Variants in ZC3H12B observed in about 807,000 individuals in gnomAD.
The protein encoded by ZC3H12B is zinc finger CCCH-type containing 12B.
In ZC3H12B, 7 loss-of-function variants were observed where a neutral mutation model predicts 43.9. The observed-to-expected ratio is 0.16, with a 90% confidence interval of 0.09 to 0.30. ZC3H12B has a LOEUF of 0.30. Among genes scored for constraint, ZC3H12B ranks in the 10% least tolerant of loss-of-function variants. ZC3H12B has a pLI of 1.00. For synonymous variants in ZC3H12B, 222 were observed against 241.7 expected (o/e 0.92, Z 0.76); for missense variants, 475 against 670.2 (o/e 0.71, Z 3.22).
the ZC3H12B span, among the ~76,000 whole-genome samples, chrX:65,138,926 A>C: frequency 1.8e-5 from 2 of 111,885 alleles, no homozygotes; most frequent in Non-Finnish European, 3.8e-5. Flanking sequence ...GCCCATTTTT[A>C]AATTGGATTG....
At chrX:65,167,045 A>G in the ZC3H12B span, among the ~76,000 whole-genome samples, 1 of 111,473 alleles carries the variant, frequency 9.0e-6, no homozygotes, top group East Asian at 2.8e-4. Context: ...CCTTTATTTT[A>G]ATTAGATTGC....
chrX:65,370,284 G>T (rs1212027528), intron 2 of ZC3H12B, among the ~76,000 whole-genome samples: 1 of 111,126 alleles, frequency 9.0e-6, no homozygotes, highest in African/African-American at 3.3e-5. Flanking sequence ...ATAGTGGAAA[G>T]ATCCCTTCAT....
chrX:65,207,663 CT>C, the ZC3H12B span, among the ~76,000 whole-genome samples: 10 of 101,884 alleles, frequency 9.8e-5, no homozygotes, highest in South Asian at 2.9e-3. Flanking sequence ...AATGCGGGCT[CT>C]TTTTTGGTTC....
chrX:65,242,099 G>T, the ZC3H12B span, among the ~76,000 whole-genome samples: 1 of 110,806 alleles, frequency 9.0e-6, no homozygotes, highest in Non-Finnish European at 1.9e-5. Flanking sequence ...CCTTGGCTAG[G>T]GGTGGGGGTT....
the ZC3H12B span, among the ~76,000 whole-genome samples, chrX:65,137,765 A>G: frequency 1.8e-5 from 2 of 112,886 alleles, no homozygotes; most frequent in African/African-American, 3.2e-5. Flanking sequence ...AATTTTAAGT[A>G]TCTGAAACTT....
the ZC3H12B span, among the ~76,000 whole-genome samples, chrX:65,117,639 G>A: frequency 1.2e-4 from 13 of 111,693 alleles, 1 homozygote; most frequent in Admixed American, 1.2e-3. Context: ...CCTTCCCCAT[G>A]CCTATGTCCT....
At chrX:65,101,261 T>C in the ZC3H12B span, among the ~76,000 whole-genome samples, 1 of 111,866 alleles carries the variant, frequency 8.9e-6, no homozygotes, top group East Asian at 2.8e-4. Context: ...TAGAGGGAAA[T>C]TTATAGCACT....
chrX:65,415,048 G>T (rs776395810), intron 3 of ZC3H12B, among the ~76,000 whole-genome samples: 1 of 112,425 alleles, frequency 8.9e-6, no homozygotes, highest in East Asian at 2.8e-4. Context: ...CAATTAATAC[G>T]TGTAGATATA....
At chrX:65,110,209 T>A in the ZC3H12B span, among the ~76,000 whole-genome samples, 2 of 110,930 alleles carry the variant, frequency 1.8e-5, no homozygotes, top group South Asian at 7.6e-4. Context: ...TTATTGGATA[T>A]GCAGTTAAAT....
At chrX:65,342,873 C>T in the ZC3H12B span, among the ~76,000 whole-genome samples, 1 of 107,918 alleles carries the variant, frequency 9.3e-6, no homozygotes, top group Non-Finnish European at 1.9e-5. Context: ...TCCAGGAATC[C>T]AAGAGTTTGT....
the ZC3H12B span, among the ~76,000 whole-genome samples, chrX:65,123,857 C>T: frequency 9.2e-6 from 1 of 109,226 alleles, no homozygotes; most frequent in Admixed American, 9.9e-5. Flanking sequence ...TGAATCTTCA[C>T]TGAGTTCATT....
the ZC3H12B span, among the ~76,000 whole-genome samples, chrX:65,046,383 A>G: frequency 1.2e-4 from 14 of 112,094 alleles, no homozygotes; most frequent in Non-Finnish European, 2.3e-4. Flanking sequence ...GCACCACTTG[A>G]TGCCTCACCT....
chrX:65,419,673 A>G (rs368570224), intron 3 of ZC3H12B, among the ~76,000 whole-genome samples: 2 of 110,605 alleles, frequency 1.8e-5, no homozygotes, highest in Non-Finnish European at 1.9e-5. Flanking sequence ...GGCAGCCCCC[A>G]TGGCCCTAGA....
At position 65,448,028 on chromosome X, in the gene ZC3H12B, C is replaced by A. The variant is rs193212392; in HGVS notation, n.408-40618C>A. 1.3e-3 allele frequency among the ~76,000 whole-genome samples: 139 copies of A among 110,578 alleles called. 3 individuals are homozygous for A. The East Asian group carries it at 0.038, about 30-fold the overall frequency. On this transcript the variant is annotated intron_variant and non_coding_transcript_variant, in intron 3 of 5. Coordinates refer to the ZC3H12B transcript ENST00000617377. ...CAGGTGGATCACGAGGTCAGGAGAT[C>A]GAGACCATCCCGGCTAACACAGTGA...
chrX:65,472,392 T>G (rs1168129556), intron 3 of ZC3H12B, among the ~76,000 whole-genome samples: 6 of 87,098 alleles, frequency 6.9e-5, no homozygotes, highest in African/African-American at 4.8e-4. Context: ...GTTTTTTTTG[T>G]TTTTTTTGTT....
the ZC3H12B span, among the ~76,000 whole-genome samples, chrX:65,113,901 G>A: frequency 9.9e-6 from 1 of 101,439 alleles, no homozygotes; most frequent in Non-Finnish European, 2.0e-5. Flanking sequence ...CTGGGAAACA[G>A]AAAAATTTAT....
At chrX:65,209,827 C>T in the ZC3H12B span, among the ~76,000 whole-genome samples, 1 of 99,657 alleles carries the variant, frequency 1.0e-5, no homozygotes, top group Non-Finnish European at 2.0e-5. Context: ...AAAGGATTCC[C>T]TATTTAATAA....
At chrX:65,128,069 G>C in the ZC3H12B span, among the ~76,000 whole-genome samples, 10 of 111,853 alleles carry the variant, frequency 8.9e-5, no homozygotes, top group East Asian at 2.8e-3. Context: ...TTATGCTTCT[G>C]TGGTAGTTCT....
chrX:65,113,695 C>T, the ZC3H12B span, among the ~76,000 whole-genome samples: 2 of 110,115 alleles, frequency 1.8e-5, no homozygotes, highest in East Asian at 5.8e-4. Context: ...CTTCAGGAAC[C>T]ACCACGCTGA....
Sources: allele counts gnomAD v4.1 joint callset (sites outside exome capture counted in the v4.1 genomes callset), GRCh38; gene constraint gnomAD v4.1.1; transcripts MANE v1.5; gene names NCBI Gene and HGNC (gene_info 2026-07-23, HGNC 2026-07-21).